Variants in PDE4B observed in about 807,000 individuals in gnomAD.
The protein encoded by PDE4B is 3',5'-cyclic-AMP phosphodiesterase 4B.
A neutral mutation model predicts 82.2 loss-of-function variants in PDE4B; 20 were observed. The ratio of observed to expected loss-of-function variants is 0.24; its 90% CI spans 0.17 to 0.35. PDE4B has a LOEUF of 0.35. PDE4B is among the 10% of genes least tolerant of loss of function. The probability of loss-of-function intolerance (pLI) is 1.00; values close to 1 mark genes in which losing one functional copy is unlikely to be tolerated. For synonymous variants in PDE4B, 320 were observed against 318.9 expected (o/e 1.00, Z -0.04); for missense variants, 655 against 907.2 (o/e 0.72, Z 3.57).
intron 3 of PDE4B, among the ~76,000 whole-genome samples, chr1:66,112,179 T>A (rs140706175): frequency 6.6e-6 from 1 of 152,160 alleles, no homozygotes; most frequent in Non-Finnish European, 1.5e-5. Flanking sequence ...CTTACATTAA[T>A]TTTTGGAGAA....
chr1:66,332,940 AT>A (rs970034311), intron 8 of PDE4B, among the ~76,000 whole-genome samples: 3 of 152,190 alleles, frequency 2.0e-5, no homozygotes, highest in Admixed American at 6.5e-5. Flanking sequence ...GTGCTTTAAA[AT>A]TTTTTTACAA....
In PDE4B at chr1:65,829,057, GAAC is replaced by G. The variant is rs202167492; in HGVS notation, c.-71+35821_-71+35823del. On this transcript the variant is annotated intron_variant, in intron 1 of 16. Coordinates refer to ENST00000341517, the MANE Select transcript of PDE4B (RefSeq NM_002600.4). ...CAAGATCCATCTGTATGCAATGTAC[GAAC>G]AACAACAACAAAACACTTTAAATAT... Among the ~76,000 whole-genome samples the G allele has an allele frequency of 5.7e-3, 865 of 151,406 alleles. 15 individuals carry two copies. Among genetic ancestry groups the G allele is most frequent in the African/African-American group, 0.02 (825 of 41,406 alleles).
rs145850804 is a variant in PDE4B at position 65,843,697 on chromosome 1, C to T, written c.-71+50449C>T. Reference sequence around the variant, plus strand: ...ATTTGTTTTTTTTCCCTTAAGTCTGCTTTTATCTTACATTTGCAAATAAGA... The same window carrying T: ...ATTTGTTTTTTTTCCCTTAAGTCTGTTTTTATCTTACATTTGCAAATAAGA... On this transcript the variant is annotated intron_variant, in intron 1 of 16. Coordinates refer to ENST00000341517, the MANE Select transcript of PDE4B (RefSeq NM_002600.4). 7.9e-5 allele frequency among the ~76,000 whole-genome samples: 12 copies of T among 152,072 alleles called. No homozygotes were observed. The East Asian group carries it at 2.3e-3, about 29-fold the overall frequency.
intron 1 of PDE4B, among the ~76,000 whole-genome samples, chr1:65,802,897 A>G (rs542777626): frequency 3.9e-5 from 6 of 152,306 alleles, no homozygotes; most frequent in East Asian, 3.9e-4. Flanking sequence ...GATGACATAT[A>G]TAAGTGTGAA....
At chr1:66,081,998 AG>A (rs1656766146) in intron 3 of PDE4B, among the ~76,000 whole-genome samples, 1 of 152,072 alleles carries the variant, frequency 6.6e-6, no homozygotes, top group South Asian at 2.1e-4. Context: ...AATACTCTTT[AG>A]ATGGACTAAT....
At chr1:66,357,181 T>C (rs1662321805) in intron 9 of PDE4B, among the ~76,000 whole-genome samples, 1 of 152,208 alleles carries the variant, frequency 6.6e-6, no homozygotes, top group Admixed American at 6.5e-5. Flanking sequence ...CTTGAAGACT[T>C]CTCAGAAGAG....
At chr1:66,306,030 C>A (rs1658251603) in intron 7 of PDE4B, among the ~76,000 whole-genome samples, 1 of 151,996 alleles carries the variant, frequency 6.6e-6, no homozygotes, top group South Asian at 2.1e-4. Flanking sequence ...TGATGTAGGC[C>A]TTGATCAATG....
At chr1:66,251,278 G>A (rs952523039) in intron 4 of PDE4B, among the ~76,000 whole-genome samples, 35 of 152,110 alleles carry the variant, frequency 2.3e-4, no homozygotes, top group African/African-American at 8.0e-4. Flanking sequence ...TTGTTTTAAT[G>A]ATGAGGATAT....
intron 3 of PDE4B, among the ~76,000 whole-genome samples, chr1:66,096,111 C>T (rs529340491): frequency 6.6e-6 from 1 of 151,828 alleles, no homozygotes; most frequent in Non-Finnish European, 1.5e-5. Flanking sequence ...AACACTTTGA[C>T]TTATTTCCCC....
chr1:65,908,768 G>A (rs745918319), intron 1 of PDE4B, among the ~76,000 whole-genome samples: 16 of 152,166 alleles, frequency 1.1e-4, no homozygotes, highest in Admixed American at 3.3e-4. Context: ...CTACTGCCCC[G>A]TTACAGGAAG....
intron 3 of PDE4B, among the ~76,000 whole-genome samples, chr1:66,125,125 G>C (rs1414827907): frequency 6.7e-6 from 1 of 148,872 alleles, no homozygotes; most frequent in Non-Finnish European, 1.5e-5. Flanking sequence ...CTAAATGCTT[G>C]GACTAGTCAT....
chr1:65,816,490 C>T (rs575865694), intron 1 of PDE4B, among the ~76,000 whole-genome samples: 2 of 152,046 alleles, frequency 1.3e-5, no homozygotes, highest in South Asian at 4.2e-4. Flanking sequence ...ACAATTTTCC[C>T]CAAAGGCAAA....
chr1:65,795,520 C>T (rs1368203674), intron 1 of PDE4B, among the ~76,000 whole-genome samples: 1 of 152,210 alleles, frequency 6.6e-6, no homozygotes, highest in Non-Finnish European at 1.5e-5. Flanking sequence ...GGACTTGTTG[C>T]CCCAGCTTCT....
At chr1:66,243,163 A>C (rs1186897718) in intron 3 of PDE4B, among the ~76,000 whole-genome samples, 1 of 152,238 alleles carries the variant, frequency 6.6e-6, no homozygotes, top group African/African-American at 2.4e-5. Context: ...TTTTATTTAG[A>C]TCACTGTCTC....
At chr1:66,283,353 T>TTATA (rs111823978) in intron 7 of PDE4B, among the ~76,000 whole-genome samples, 2 of 151,610 alleles carry the variant, frequency 1.3e-5, no homozygotes, top group East Asian at 1.9e-4. Flanking sequence ...ATTGTTACTA[T>TTATA]TATATATATA....
At chr1:66,268,269 A>G (rs1655196745) in intron 7 of PDE4B, among the ~76,000 whole-genome samples, 1 of 152,232 alleles carries the variant, frequency 6.6e-6, no homozygotes, top group African/African-American at 2.4e-5. Context: ...AATTTATTTT[A>G]AAAGCTAATT....
chr1:66,098,161 T>C (rs544801963), intron 3 of PDE4B, among the ~76,000 whole-genome samples: 41 of 152,232 alleles, frequency 2.7e-4, no homozygotes, highest in African/African-American at 8.4e-4. Context: ...TCTCACACAA[T>C]TGCATATCAA....
intron 3 of PDE4B, among the ~76,000 whole-genome samples, chr1:66,209,289 A>G (rs1260298862): frequency 6.6e-6 from 1 of 152,220 alleles, no homozygotes; most frequent in Non-Finnish European, 1.5e-5. Flanking sequence ...AGTTTCTGCT[A>G]CATGCTTGGA....
intron 3 of PDE4B, among the ~76,000 whole-genome samples, chr1:66,217,406 G>A (rs1031299151): frequency 1.3e-5 from 2 of 152,072 alleles, no homozygotes; most frequent in African/African-American, 4.8e-5. Flanking sequence ...GATTAATGTG[G>A]CATAAAATGC....
Sources: gnomAD v4.1 joint callset for allele counts (sites outside exome capture counted in the v4.1 genomes callset) on GRCh38, gnomAD v4.1.1 for gene constraint, MANE v1.5 for transcripts, NCBI Gene and HGNC (gene_info 2026-07-23, HGNC 2026-07-21) for gene names.